The following FBXW10 variants were observed in gnomAD, a reference collection of about 807,000 sequenced individuals.
The protein encoded by FBXW10 is F-box/WD repeat-containing protein 10.
A neutral mutation model predicts 113.1 loss-of-function variants in FBXW10; 68 were observed. The ratio of observed to expected loss-of-function variants is 0.60; its 90% CI spans 0.49 to 0.74. FBXW10 has a LOEUF of 0.74. Ranked by LOEUF, FBXW10 falls within the 30% of genes least tolerant of loss-of-function variation. The pLI is 0.00. For missense variants in FBXW10, 753 were observed against 1,284.5 expected (o/e 0.59, Z 6.32); for synonymous variants, 289 against 481.6 (o/e 0.60, Z 5.24).
At chr17:18,770,114 G>C (rs371268851) in intron 11 of FBXW10, 29 bp downstream of exon 11, 2 of 1,610,576 alleles carry the variant, frequency 1.2e-6, no homozygotes. Flanking sequence ...GGTCAGAACT[G>C]TGAGTGATTC....
intron 7 of FBXW10, among the ~76,000 whole-genome samples, chr17:18,761,597 T>C (rs1200074738): frequency 1.3e-5 from 2 of 152,200 alleles, no homozygotes; most frequent in Admixed American, 6.5e-5. Flanking sequence ...AGCTATAGTA[T>C]ATAAGTTTTG....
At chr17:18,758,190 A>T in intron 6 of FBXW10, 115 bp from the exon 7 acceptor site, 1 of 1,435,462 alleles carries the variant, frequency 7.0e-7, no homozygotes, top group Non-Finnish European at 9.3e-7. Flanking sequence ...CCTTGTTGAA[A>T]GGCCCTGGAT....
chr17:18,771,086 C>T (rs2035602519), intron 11 of FBXW10, among the ~76,000 whole-genome samples: 1 of 150,750 alleles, frequency 6.6e-6, no homozygotes, highest in Admixed American at 6.6e-5. Context: ...AATTAATGAA[C>T]ACTTTTCAGT....
In FBXW10 at chr17:18,779,152, C is replaced by A. The variant is rs1256464786; in HGVS notation, c.3013C>A (p.Gln1005Lys). 7.5e-7 allele frequency: 1 copy of A among 1,340,074 alleles called. No individual in the cohort carries two copies. The highest frequency in any genetic ancestry group is 1.6e-5 in the African/African-American group (1 of 61,128). The allele number at this position is 1,340,074 out of a possible 1,614,324, so 83.0% of individuals were successfully genotyped here. ...EHQEAKMKEY[Q>K]ARESTGVVDP... Reference sequence around the variant, plus strand: ...CCAGGAAGCCAAGATGAAGGAATATCAGGCCAGGGAGTCCACTGGAGTGGT... The same window carrying A: ...CCAGGAAGCCAAGATGAAGGAATATAAGGCCAGGGAGTCCACTGGAGTGGT... The change falls in exon 14 of 14, where the codon CAG (glutamine) becomes AAG (lysine). Residue 1005 changes from glutamine (Q) to lysine (K), a missense_variant. Coordinates refer to ENST00000395665, the MANE Select transcript of FBXW10 (RefSeq NM_001267585.2).
rs866434109 is a variant in FBXW10, at chr17:18,770,656, A to G, written c.2006+571A>G. 1.1e-3 allele frequency among the ~76,000 whole-genome samples: 165 copies of G among 152,184 alleles called. 1 individual carries two copies. The highest frequency in any genetic ancestry group is 1.2e-3 in the Admixed American group (19 of 15,282). ...TTGTGGGAATTGCAGTGGGTGCAAC[A>G]TAACGCTTCTGTAAGGACCACAGTT... On this transcript the variant is annotated intron_variant, in intron 11 of 13. Coordinates refer to ENST00000395665, the MANE Select transcript of FBXW10 (RefSeq NM_001267585.2).
intron 5 of FBXW10, among the ~76,000 whole-genome samples, chr17:18,752,122 C>A (rs1263564605): frequency 6.6e-6 from 1 of 152,142 alleles, no homozygotes; most frequent in Admixed American, 6.6e-5. Flanking sequence ...CCAGAGAGAG[C>A]ATCTAGCTCA....
At chr17:18,753,375 A>G (rs1031588351) in intron 5 of FBXW10, among the ~76,000 whole-genome samples, 3 of 152,028 alleles carry the variant, frequency 2.0e-5, no homozygotes, top group African/African-American at 7.3e-5. Context: ...TCCCTCCCAG[A>G]TAAGCACAAC....
chr17:18,764,929 T>G, intron 8 of FBXW10, 66 bp downstream of exon 8: 1 of 1,613,264 alleles, frequency 6.2e-7, no homozygotes, highest in Non-Finnish European at 8.5e-7. Flanking sequence ...CAAAATGCTT[T>G]GTTTTGCTCA....
At position 18,779,092 on chromosome 17, in the gene FBXW10, T is replaced by G. The variant is rs774356318; in HGVS notation, c.2953T>G (p.Phe985Val). ...TGATCCTTTTAGAGTGAACACTGAG[T>G]TCGTGCTGTTGACCGTGAAGGAGGA... ...ALDPFRVNTE[F>V]VLLTVKEEKE... Residue 985 changes from phenylalanine to valine, a missense_variant, in exon 14 of 14, where the codon TTC (phenylalanine) becomes GTC (valine). Coordinates refer to ENST00000395665, the MANE Select transcript of FBXW10 (RefSeq NM_001267585.2). 8.2e-6 allele frequency: 11 copies of G among 1,348,032 alleles called. 2 individuals carry two copies. In the South Asian group the frequency reaches 1.3e-4, roughly 16 times the overall value. The allele number at this position is 1,348,032 out of a possible 1,614,324, so 83.5% of individuals were successfully genotyped here.
At chr17:18,764,908 C>T in intron 8 of FBXW10, 45 bp downstream of exon 8, 1 of 1,613,670 alleles carries the variant, frequency 6.2e-7, no homozygotes, top group Non-Finnish European at 8.5e-7. Context: ...TTCCCCCGAC[C>T]CACGGGTTAC....
intron 5 of FBXW10, among the ~76,000 whole-genome samples, chr17:18,755,017 C>T (rs1309856606): frequency 6.6e-6 from 1 of 152,110 alleles, no homozygotes; most frequent in Admixed American, 6.6e-5. Flanking sequence ...AATCCCAGCA[C>T]TTTGGGAGGC....
chr17:18,768,026 T>TCTTTCTTCCTTC (rs1478170058), intron 9 of FBXW10, among the ~76,000 whole-genome samples: 4 of 135,680 alleles, frequency 2.9e-5, no homozygotes, highest in African/African-American at 1.1e-4. Context: ...TTCCTTCCTT[T>TCTTTCTTCCTTC]CTTCCTTCCT....
intron 13 of FBXW10, among the ~76,000 whole-genome samples, chr17:18,775,819 G>A (rs2035687879): frequency 6.6e-6 from 1 of 152,112 alleles, no homozygotes; most frequent in African/African-American, 2.4e-5. Flanking sequence ...CTTAAGGCCA[G>A]GAGTCTGAGG....
intron 5 of FBXW10, among the ~76,000 whole-genome samples, chr17:18,753,116 C>T (rs1178560705): frequency 6.6e-6 from 1 of 152,188 alleles, no homozygotes; most frequent in Non-Finnish European, 1.5e-5. Flanking sequence ...GAAATCTCTT[C>T]TAACTACAAG....
Position 18,774,712 on chromosome 17 carries a change from G to T in FBXW10, c.2279-424G>T, listed in dbSNP as rs540336572. ...TGGGAGGCTGAGGCAGGAGAATCAC[G>T]TGAACCCAGGAGGTGGAGGTTGCGG... On this transcript the variant is annotated intron_variant, in intron 12 of 13. Transcript: ENST00000395665. Among the ~76,000 whole-genome samples the T allele has an allele frequency of 3.3e-5, 5 of 152,274 alleles. No homozygotes were observed. The East Asian group carries it at 9.6e-4, about 29-fold the overall frequency.
At chr17:18,749,304 C>A (rs2035107046) in intron 2 of FBXW10, among the ~76,000 whole-genome samples, 1 of 151,822 alleles carries the variant, frequency 6.6e-6, no homozygotes, top group African/African-American at 2.4e-5. Flanking sequence ...TCTGGGAGGC[C>A]GAGGCGGGCG....
Position 18,764,807 on chromosome 17 carries a change from G to C in FBXW10, c.1499G>C (p.Cys500Ser). Reference sequence around the variant, plus strand: ...GGTGGTCACCAGGGGACTATCACTTGCATGGACTTGTGTAAGAACAGGCTC... The same window carrying C: ...GGTGGTCACCAGGGGACTATCACTTCCATGGACTTGTGTAAGAACAGGCTC... ...IFGGHQGTIT[C>S]MDLCKNRLVS... The change falls in exon 8 of 14, where the codon TGC (cysteine) becomes TCC (serine). Residue 500 changes from cysteine (C) to serine (S), a missense_variant. Transcript: ENST00000395665. The C allele has an allele frequency of 6.2e-7, 1 of 1,613,960 alleles. No homozygotes were observed.
chr17:18,749,721 G>A lies in FBXW10; in HGVS notation c.671-1G>A, dbSNP rs2035119597. On this transcript the variant is annotated splice_acceptor_variant, in intron 2 of 13. Coordinates refer to ENST00000395665, the MANE Select transcript of FBXW10 (RefSeq NM_001267585.2). LOFTEE classifies it high-confidence loss of function. ...CGTACCTTTCTCTGGCTTCACTCTA[G>A]AGGAACCATGGAGGAATTCACTCCG... The A allele has an allele frequency of 4.3e-6, 7 of 1,613,986 alleles. No individual in the cohort carries two copies. The highest frequency in any genetic ancestry group is 5.9e-6 in the Non-Finnish European group (7 of 1,179,880).
intron 2 of FBXW10, 151 bp from the exon 3 acceptor site, chr17:18,749,571 A>G: frequency 1.2e-6 from 1 of 827,286 alleles, no homozygotes; most frequent in Non-Finnish European, 1.9e-6. Flanking sequence ...TCTATTCTCA[A>G]GTGGCAGAAG....
Sources: gnomAD v4.1 joint callset for allele counts (sites outside exome capture counted in the v4.1 genomes callset) on GRCh38, gnomAD v4.1.1 for gene constraint, MANE v1.5 for transcripts, NCBI Gene and HGNC (gene_info 2026-07-23, HGNC 2026-07-21) for gene names.